Variants in PCDH15 observed in about 807,000 individuals in gnomAD.
PCDH15 encodes the protein protocadherin related 15.
PCDH15 carries 129 observed loss-of-function variants against 178.5 expected under a neutral mutation model. The observed-to-expected ratio is 0.72, with a 90% CI of 0.63 to 0.84. PCDH15 has a LOEUF of 0.84. PCDH15 is among the 40% of genes least tolerant of loss of function. PCDH15 has a pLI of 0.00. For synonymous variants in PCDH15, 800 were observed against 732.0 expected (o/e 1.09, Z -1.50); for missense variants, 2,230 against 2,099.9 (o/e 1.06, Z -1.21).
At chr10:55,622,314 T>C (rs537583665) in intron 2 of PCDH15, among the ~76,000 whole-genome samples, 3 of 151,296 alleles carry the variant, frequency 2.0e-5, no homozygotes, top group Admixed American at 6.6e-5. Flanking sequence ...TGGCCCACAG[T>C]TAAATATCTT....
intron 2 of PCDH15, among the ~76,000 whole-genome samples, chr10:55,510,981 T>C (rs2132151504): frequency 6.6e-6 from 1 of 151,418 alleles, no homozygotes; most frequent in Non-Finnish European, 1.5e-5. Flanking sequence ...CATGTCAACC[T>C]CCCAAGTAGC....
intron 1 of PCDH15, among the ~76,000 whole-genome samples, chr10:55,195,631 G>A (rs1206487499): frequency 6.8e-6 from 1 of 147,174 alleles, no homozygotes; most frequent in African/African-American, 2.5e-5. Context: ...CTCCAGCCTG[G>A]GTGACAGAGG....
At chr10:54,289,546 T>C (rs1033204713) in intron 8 of PCDH15, among the ~76,000 whole-genome samples, 9 of 152,170 alleles carry the variant, frequency 5.9e-5, no homozygotes, top group African/African-American at 2.2e-4. Context: ...GGAGAATGAC[T>C]TTGATGAGTT....
intron 3 of PCDH15, among the ~76,000 whole-genome samples, chr10:54,406,499 C>T (rs1351895717): frequency 3.3e-5 from 5 of 152,184 alleles, no homozygotes; most frequent in Non-Finnish European, 7.4e-5. Flanking sequence ...TCTTTTTCTA[C>T]CTCTTATTTT....
chr10:54,455,417 G>C (rs1257129649), intron 3 of PCDH15, among the ~76,000 whole-genome samples: 5 of 152,290 alleles, frequency 3.3e-5, no homozygotes, highest in African/African-American at 1.2e-4. Flanking sequence ...TGACCAAAAT[G>C]CTTAAAGTAA....
intron 23 of PCDH15, among the ~76,000 whole-genome samples, chr10:53,945,790 CA>C (rs1244115763): frequency 6.8e-6 from 1 of 146,404 alleles, no homozygotes; most frequent in Non-Finnish European, 1.5e-5. Flanking sequence ...CACATTGTCC[CA>C]AATAAAAGAA....
chr10:54,383,984 AATTTTTTTTTT>A (rs1949600232), intron 3 of PCDH15, among the ~76,000 whole-genome samples: 1 of 81,184 alleles, frequency 1.2e-5, no homozygotes, highest in Non-Finnish European at 2.3e-5. Context: ...ACAAACAGTT[AATTTTTTTTTT>A]TTTTTTTTTT....
rs1264119475 is a variant in PCDH15, at chr10:54,307,061, TATATATATATATATATATAC to T, written c.876+10190_876+10209del. On this transcript the variant is annotated intron_variant, in intron 8 of 37. Transcript: ENST00000644397. ...GTGTGTATATATATATATATATATA[TATATATATATATATATATAC>T]ATATATATATATGTGTGTGTGTGTA... Among the ~76,000 whole-genome samples, 12 of 9,066 alleles carry T rather than the reference TATATATATATATATATATAC, an allele frequency of 1.3e-3. 1 individual carries two copies. The highest frequency in any genetic ancestry group is 6.7e-3 in the East Asian group (2 of 300). 5.9% of individuals were successfully genotyped at this position (9,066 alleles called of 152,430 possible).
intron 2 of PCDH15, among the ~76,000 whole-genome samples, chr10:55,086,570 A>T (rs182253284): frequency 1.8e-4 from 27 of 152,136 alleles, no homozygotes; most frequent in African/African-American, 5.8e-4. Context: ...CTGTTGTATA[A>T]TGTGAGCAGT....
At chr10:54,810,556 A>T (rs1399077964) in intron 3 of PCDH15, among the ~76,000 whole-genome samples, 1 of 152,172 alleles carries the variant, frequency 6.6e-6, no homozygotes, top group African/African-American at 2.4e-5. Flanking sequence ...ATGTCACAAA[A>T]AAATAATATA....
chr10:54,329,666 C>T lies in PCDH15; in HGVS notation c.635G>A (p.Gly212Glu), dbSNP rs1488054571. The change falls in exon 7 of 38, where the codon GGA (glycine) becomes GAA (glutamate). Residue 212 changes from glycine (G) to glutamate (E), a missense_variant. Gly to Glu is a moderately conservative substitution (Grantham distance 98). Coordinates refer to ENST00000644397, the MANE Select transcript of PCDH15 (RefSeq NM_001384140.1). Reference protein sequence around the residue: ...DTFEIPLMLTGNIVLRKRLNY... With the variant: ...DTFEIPLMLTENIVLRKRLNY... ...GAGCCTCTTCCTTAACACTATATTT[C>T]CAGTCAACATTAGGGGAATTTCAAA... The T allele has an allele frequency of 6.2e-7, 1 of 1,608,512 alleles. No individual in the cohort carries two copies. Among genetic ancestry groups the T allele is most frequent in the African/African-American group, 1.3e-5 (1 of 74,716 alleles).
In PCDH15 at chr10:54,354,128, G is replaced by A. The variant is rs9416314; in HGVS notation, c.475-7644C>T. Among the ~76,000 whole-genome samples, 1,146 of 152,276 alleles carry A rather than the reference G, an allele frequency of 7.5e-3. 10 individuals are homozygous for A. Among genetic ancestry groups the A allele is most frequent in the African/African-American group, 0.026 (1,079 of 41,554 alleles). On this transcript the variant is annotated intron_variant, in intron 5 of 37. Transcript: ENST00000644397. ...AGCCTCCCAAGTAGCTGGGATTACA[G>A]GCATGCGCCACCACGCCTGGCTAAT...
At chr10:55,229,481 C>T (rs1276407536) in intron 1 of PCDH15, among the ~76,000 whole-genome samples, 2 of 151,682 alleles carry the variant, frequency 1.3e-5, no homozygotes, top group African/African-American at 2.4e-5. Context: ...TTGCAAATTT[C>T]TCGGTATGTA....
At chr10:54,206,644 A>T (rs2050824834) in intron 10 of PCDH15, among the ~76,000 whole-genome samples, 1 of 152,132 alleles carries the variant, frequency 6.6e-6, no homozygotes, top group South Asian at 2.1e-4. Context: ...AATCATTAAC[A>T]TAAAAATTAT....
intron 8 of PCDH15, among the ~76,000 whole-genome samples, chr10:54,289,621 A>T (rs2059265345): frequency 6.6e-6 from 1 of 152,162 alleles, no homozygotes. Context: ...GCAAGTTTGA[A>T]CCCATTGCAA....
At chr10:54,133,900 C>T (rs1170353293) in intron 14 of PCDH15, among the ~76,000 whole-genome samples, 3 of 137,904 alleles carry the variant, frequency 2.2e-5, no homozygotes, top group African/African-American at 7.5e-5. Context: ...TATACACACA[C>T]ATATACACAC....
chr10:53,822,755 A>G (rs1564536472), intron 32 of PCDH15: 7 of 1,614,034 alleles, frequency 4.3e-6, no homozygotes, highest in Non-Finnish European at 5.9e-6. Context: ...AAGAGTCTGA[A>G]GAGAGAGATT....
At chr10:55,388,867 A>ATT (rs973565379) in intron 2 of PCDH15, among the ~76,000 whole-genome samples, 4 of 152,080 alleles carry the variant, frequency 2.6e-5, no homozygotes, top group African/African-American at 9.7e-5. Flanking sequence ...CTCCCCCATC[A>ATT]TTTGGAACTG....
intron 33 of PCDH15, among the ~76,000 whole-genome samples, chr10:53,819,808 T>C (rs2076191753): frequency 1.3e-5 from 2 of 152,010 alleles, no homozygotes; most frequent in African/African-American, 4.8e-5. Flanking sequence ...ATAGAAGATA[T>C]TTTAACTGAC....
Sources: allele counts gnomAD v4.1 joint callset (sites outside exome capture counted in the v4.1 genomes callset), GRCh38; gene constraint gnomAD v4.1.1; transcripts MANE v1.5; gene names NCBI Gene and HGNC (gene_info 2026-07-23, HGNC 2026-07-21).